Variants in GADD45B observed in about 807,000 individuals in gnomAD.
GADD45B encodes the protein growth arrest and DNA damage-inducible protein GADD45 beta.
In GADD45B, 8 loss-of-function variants were observed where a neutral mutation model predicts 15.2. That is an observed-to-expected ratio of 0.53 (90% confidence interval 0.31 to 0.95). The LOEUF is 0.95. Ranked by LOEUF, GADD45B falls within the 40% of genes least tolerant of loss-of-function variation. The pLI is 0.05. For synonymous variants in GADD45B, 100 were observed against 89.8 expected (o/e 1.11, Z -0.64); for missense variants, 162 against 216.6 (o/e 0.75, Z 1.58).
chr19:2,477,619 G>T lies in GADD45B; in HGVS notation c.*18G>T, dbSNP rs1054547054. The T allele has an allele frequency of 7.3e-7, 1 of 1,379,076 alleles. No individual in the cohort carries two copies. The highest frequency in any genetic ancestry group is 1.0e-6 in the Non-Finnish European group (1 of 967,394). 85.4% of individuals were successfully genotyped at this position (1,379,076 alleles called of 1,614,324 possible). A position where few individuals can be genotyped will look rare whatever the true frequency, so the allele number is the denominator to read the frequency against. ...AACGCTGAGGCCCTTCCCAGCAGCA[G>T]AATCTGTTGAGTTGCTGCCACAAAC... On this transcript the variant is annotated 3_prime_UTR_variant, in exon 4 of 4. Coordinates refer to ENST00000215631, the MANE Select transcript of GADD45B (RefSeq NM_015675.4). The surrounding 1 kb of genome is among the most constrained non-coding windows in gnomAD (Gnocchi z 4.2).
Position 2,477,022 on chromosome 19 carries a change from C to A in GADD45B, c.147-7C>A. ...GCTGACCCATCCCTACCCTTTGGCC[C>A]CCTCAGGGACCCAGACAGCGTGGTC... On this transcript the variant is annotated splice_polypyrimidine_tract_variant and splice_region_variant and intron_variant, in intron 2 of 3. Transcript: ENST00000215631. The surrounding 1 kb of genome is among the most constrained non-coding windows in gnomAD (Gnocchi z 4.2). The A allele has an allele frequency of 6.2e-7, 1 of 1,602,344 alleles. No homozygotes were observed. The highest frequency in any genetic ancestry group is 1.1e-5 in the South Asian group (1 of 90,832).
chr19:2,477,670 C>CT lies in GADD45B; in HGVS notation c.*69_*70insT, dbSNP rs1972338318. The CT allele has an allele frequency of 3.8e-6, 3 of 781,864 alleles. No individual in the cohort carries two copies. The highest frequency in any genetic ancestry group is 6.4e-6 in the Non-Finnish European group (3 of 465,606). 48.4% of individuals were successfully genotyped at this position (781,864 alleles called of 1,614,324 possible). On this transcript the variant is annotated 3_prime_UTR_variant, in exon 4 of 4. Transcript: ENST00000215631. This position sits in a 1 kb window ranked among gnomAD's most constrained non-coding sequence, Gnocchi z 4.2. ...AAAAAATACAATAAATATTTGAACC[C>CT]CCTCCCCCCCAGCACAACCCCCCCA...
chr19:2,477,130 G>C lies in GADD45B; in HGVS notation c.248G>C (p.Cys83Ser). 1 of 1,613,934 alleles carries C rather than the reference G, an allele frequency of 6.2e-7. No homozygotes were observed. Among genetic ancestry groups the C allele is most frequent in the Non-Finnish European group, 8.5e-7 (1 of 1,179,954 alleles). ...TTCACGCTCATCCAGTCCTTCTGCT[G>C]TGACAACGACATCAACATCGTGCGG... is the stretch of plus-strand genomic sequence containing the variant. ...IHFTLIQSFCCDNDINIVRVS... is the reference protein window; with the variant it reads ...IHFTLIQSFCSDNDINIVRVS... Residue 83 changes from cysteine (C) to serine (S), a missense_variant, in exon 3 of 4, where the codon TGT becomes TCT. Transcript: ENST00000215631. This position sits in a 1 kb window ranked among gnomAD's most constrained non-coding sequence, Gnocchi z 4.2.
In GADD45B at chr19:2,477,724, G is replaced by A. The variant is rs1366874978; in HGVS notation, c.*123G>A. On this transcript the variant is annotated 3_prime_UTR_variant, in exon 4 of 4. Coordinates refer to ENST00000215631, the MANE Select transcript of GADD45B (RefSeq NM_015675.4). The surrounding 1 kb of genome is among the most constrained non-coding windows in gnomAD (Gnocchi z 4.2). ...CAACCCAACCCACGAGGACCATCGG[G>A]GGCAGAGTCGTTGGAGACTGAAGAG... 1 of 579,656 alleles carries A rather than the reference G, an allele frequency of 1.7e-6. No homozygotes were observed. The highest frequency in any genetic ancestry group is 3.0e-5 in the East Asian group (1 of 33,026). The allele number at this position is 579,656 out of a possible 1,614,324, so 35.9% of individuals were successfully genotyped here. A position where few individuals can be genotyped will look rare whatever the true frequency, so the allele number is the denominator to read the frequency against.
chr19:2,477,213 A>G lies in GADD45B; in HGVS notation c.331A>G (p.Thr111Ala), dbSNP rs1362091904. The G allele has an allele frequency of 1.9e-6, 3 of 1,603,294 alleles. No individual in the cohort carries two copies. Among genetic ancestry groups the G allele is most frequent in the Non-Finnish European group, 2.5e-6 (3 of 1,177,912 alleles). Residue 111 changes from threonine (T) to alanine (A), a missense_variant, in exon 3 of 4, where the codon ACC (threonine) becomes GCC (alanine). Coordinates refer to ENST00000215631, the MANE Select transcript of GADD45B (RefSeq NM_015675.4). This position sits in a 1 kb window ranked among gnomAD's most constrained non-coding sequence, Gnocchi z 4.2. ...GGGAGAGCCGGCCGAGACCCAGGGCACCACCGAGGCCCGAGACCTGCATTG... is the reference window on the plus strand; with the variant it reads ...GGGAGAGCCGGCCGAGACCCAGGGCGCCACCGAGGCCCGAGACCTGCATTG... ...LLGEPAETQG[T>A]TEARDLHCLL...
chr19:2,476,781 TC>T (rs1226889743), intron 2 of GADD45B, 151 bp downstream of exon 2: 1 of 623,698 alleles, frequency 1.6e-6, no homozygotes, highest in African/African-American at 1.8e-5. Flanking sequence ...GTTTTGTGGA[TC>T]GGGGGCTGCC....
chr19:2,476,900 C>T (rs1972324229), intron 2 of GADD45B, 129 bp from the exon 3 acceptor site: 2 of 643,480 alleles, frequency 3.1e-6, no homozygotes, highest in East Asian at 2.7e-5. Flanking sequence ...CACCAGCTTG[C>T]AGAGGCAATC....
At chr19:2,476,460 GGCCGGGCCGGGA>G (rs1972314767) in intron 1 of GADD45B, 57 bp from the exon 2 acceptor site, 1 of 1,604,096 alleles carries the variant, frequency 6.2e-7, no homozygotes, top group South Asian at 1.1e-5. Context: ...GGTCGGGTTG[GGCCGGGCCGGGA>G]GCGGAACGTA....
Position 2,477,817 on chromosome 19 carries a change from C to A in GADD45B, c.*216C>A, listed in dbSNP as rs2302181. On this transcript the variant is annotated 3_prime_UTR_variant, in exon 4 of 4. Transcript: ENST00000215631. This position sits in a 1 kb window ranked among gnomAD's most constrained non-coding sequence, Gnocchi z 4.2. Reference sequence around the variant, plus strand: ...CGGAGATCCAGGAGCTGGCGGCCGCCGATCCGATGGAGAAGGGGGGACCCA... The same window carrying A: ...CGGAGATCCAGGAGCTGGCGGCCGCAGATCCGATGGAGAAGGGGGGACCCA... 1.7e-5 allele frequency: 7 copies of A among 419,596 alleles called. No homozygotes were observed. The highest frequency in any genetic ancestry group is 2.6e-5 in the Non-Finnish European group (6 of 227,750). The allele number at this position is 419,596 out of a possible 1,614,324, so 26.0% of individuals were successfully genotyped here.
chr19:2,476,323 C>T lies in GADD45B; in HGVS notation c.-36C>T. The T allele has an allele frequency of 6.2e-7, 1 of 1,609,384 alleles. No individual in the cohort carries two copies. Among genetic ancestry groups the T allele is most frequent in the Non-Finnish European group, 8.5e-7 (1 of 1,175,976 alleles). ...TTTGCAATTTCTCCCTGGGGACTGC[C>T]GTGGAGCCGCATCCACTGTGGATTA... On this transcript the variant is annotated 5_prime_UTR_variant, in exon 1 of 4. Transcript: ENST00000215631.
intron 2 of GADD45B, 158 bp from the exon 3 acceptor site, chr19:2,476,871 C>T (rs1288315609): frequency 6.4e-6 from 4 of 620,470 alleles, no homozygotes; most frequent in Non-Finnish European, 1.1e-5. Flanking sequence ...AACCGTGTGC[C>T]CTCCCCTCCC....
Position 2,477,271 on chromosome 19 carries a change from TGCCCC to T in GADD45B, c.369+24_369+28del. On this transcript the variant is annotated intron_variant, in intron 3 of 3. Transcript: ENST00000215631. This position sits in a 1 kb window ranked among gnomAD's most constrained non-coding sequence, Gnocchi z 4.2. ...GTCACGGTGAGTCGGGCCTCTGCCCTGCCCCGCCACGCCCGGGCACCTGGGCCGGT... is the reference window on the plus strand; with the variant it reads ...GTCACGGTGAGTCGGGCCTCTGCCCTGCCACGCCCGGGCACCTGGGCCGGT... 1 of 1,462,576 alleles carries T rather than the reference TGCCCC, an allele frequency of 6.8e-7. No homozygotes were observed. The highest frequency in any genetic ancestry group is 9.2e-7 in the Non-Finnish European group (1 of 1,088,648). 90.6% of individuals were successfully genotyped at this position (1,462,576 alleles called of 1,614,324 possible). A position where few individuals can be genotyped will look rare whatever the true frequency, so the allele number is the denominator to read the frequency against.
chr19:2,477,065 T>C lies in GADD45B; in HGVS notation c.183T>C (p.Ile61=), dbSNP rs1441045193. 3 of 1,613,710 alleles carry C rather than the reference T, an allele frequency of 1.9e-6. No homozygotes were observed. The highest frequency in any genetic ancestry group is 2.5e-6 in the Non-Finnish European group (3 of 1,179,860). ...GCGTGGTCCTCTGCCTCTTGGCCAT[T>C]GACGAGGAGGAGGAGGATGACATCG... is the stretch of plus-strand genomic sequence containing the variant. ...PDSVVLCLLA[I]DEEEEDDIAL... The change falls in exon 3 of 4, where the codon ATT becomes ATC. Residue 61 remains isoleucine (I), a synonymous_variant. Transcript: ENST00000215631. The surrounding 1 kb of genome is among the most constrained non-coding windows in gnomAD (Gnocchi z 4.2).
At position 2,477,013 on chromosome 19, in the gene GADD45B, C is replaced by T. The variant is rs764734382; in HGVS notation, c.147-16C>T. On this transcript the variant is annotated splice_polypyrimidine_tract_variant and intron_variant, in intron 2 of 3. Transcript: ENST00000215631. The surrounding 1 kb of genome is among the most constrained non-coding windows in gnomAD (Gnocchi z 4.2). ...CTGTCCCCGGCTGACCCATCCCTACCCTTTGGCCCCCTCAGGGACCCAGAC... is the reference window on the plus strand; with the variant it reads ...CTGTCCCCGGCTGACCCATCCCTACTCTTTGGCCCCCTCAGGGACCCAGAC... 6 of 1,579,986 alleles carry T rather than the reference C, an allele frequency of 3.8e-6. No individual in the cohort carries two copies. Among genetic ancestry groups the T allele is most frequent in the Admixed American group, 1.7e-5 (1 of 59,938 alleles).
At chr19:2,476,903 A>T in intron 2 of GADD45B, 126 bp from the exon 3 acceptor site, 1 of 641,278 alleles carries the variant, frequency 1.6e-6, no homozygotes, top group Non-Finnish European at 2.7e-6. Flanking sequence ...CAGCTTGCAG[A>T]GGCAATCCCC....
rs767074560 is a variant in GADD45B at position 2,476,382 on chromosome 19, G to T, written c.24G>T (p.Ala8=). 6.2e-7 allele frequency: 1 copy of T among 1,613,638 alleles called. No individual in the cohort carries two copies. Among genetic ancestry groups the T allele is most frequent in the Non-Finnish European group, 8.5e-7 (1 of 1,179,956 alleles). The change falls in exon 1 of 4, where the codon GCG becomes GCT. Residue 8 remains alanine, a synonymous_variant. Coordinates refer to ENST00000215631, the MANE Select transcript of GADD45B (RefSeq NM_015675.4). MTLEELV[A]CDNAAQKMQT... is the part of the protein sequence containing the mutation. ...ACATGACGCTGGAAGAGCTCGTGGC[G>T]TGCGACAACGCGGCGCAGAAGTAAG... is the stretch of plus-strand genomic sequence containing the variant.
Position 2,477,831 on chromosome 19 carries a change from A to AG in GADD45B, c.*236dup, listed in dbSNP as rs35054573. 2.6e-6 allele frequency: 1 copy of AG among 383,866 alleles called. No individual in the cohort carries two copies. The highest frequency in any genetic ancestry group is 4.9e-6 in the Non-Finnish European group (1 of 203,558). The allele number at this position is 383,866 out of a possible 1,614,324, so 23.8% of individuals were successfully genotyped here. A position where few individuals can be genotyped will look rare whatever the true frequency, so the allele number is the denominator to read the frequency against. On this transcript the variant is annotated 3_prime_UTR_variant, in exon 4 of 4. Coordinates refer to ENST00000215631, the MANE Select transcript of GADD45B (RefSeq NM_015675.4). This position sits in a 1 kb window ranked among gnomAD's most constrained non-coding sequence, Gnocchi z 4.2. ...CTGGCGGCCGCCGATCCGATGGAGA[A>AG]GGGGGGACCCAGGCCAGCAGGAGAC...
At chr19:2,476,918 C>T (rs1185159126) in intron 2 of GADD45B, 111 bp from the exon 3 acceptor site, 1 of 695,296 alleles carries the variant, frequency 1.4e-6, no homozygotes, top group South Asian at 1.7e-5. Context: ...ATCCCCTGCA[C>T]CCTTGCAGTT....
chr19:2,477,282 G>T lies in GADD45B; in HGVS notation c.369+31G>T. 1 of 1,415,762 alleles carries T rather than the reference G, an allele frequency of 7.1e-7. No homozygotes were observed. The highest frequency in any genetic ancestry group is 9.6e-7 in the Non-Finnish European group (1 of 1,042,424). 87.7% of individuals were successfully genotyped at this position (1,415,762 alleles called of 1,614,324 possible). On this transcript the variant is annotated intron_variant, in intron 3 of 3. Transcript: ENST00000215631. This position sits in a 1 kb window ranked among gnomAD's most constrained non-coding sequence, Gnocchi z 4.2. ...TCGGGCCTCTGCCCTGCCCCGCCAC[G>T]CCCGGGCACCTGGGCCGGTGTTTGT...
Sources: allele counts gnomAD v4.1 joint callset, GRCh38; gene constraint gnomAD v4.1.1; non-coding constraint Gnocchi (gnomAD v3.1); transcripts MANE v1.5; gene names NCBI Gene and HGNC (gene_info 2026-07-23, HGNC 2026-07-21).